PKNOX2: variants seen among roughly 807,000 people sequenced by gnomAD.
The protein encoded by PKNOX2 is homeobox protein PKNOX2.
A neutral mutation model predicts 53.1 loss-of-function variants in PKNOX2; 14 were observed. That is an observed-to-expected ratio of 0.26 (90% CI 0.17 to 0.41). PKNOX2 has a LOEUF of 0.41. Among genes scored for constraint, PKNOX2 ranks in the 10% least tolerant of loss-of-function variants. The pLI is 1.00. For missense variants in PKNOX2, 496 were observed against 602.8 expected, an observed-to-expected ratio of 0.82 and a Z score of 1.85; for synonymous variants, 257 against 242.8, an observed-to-expected ratio of 1.06 and a Z score of -0.54.
intron 1 of PKNOX2, among the ~76,000 whole-genome samples, chr11:125,193,771 G>A (rs1392381681): frequency 1.3e-5 from 2 of 152,184 alleles, no homozygotes; most frequent in East Asian, 1.9e-4. Context: ...CTGGATGAGA[G>A]GCAGCACGGT....
chr11:125,210,552 C>T (rs1939713976), intron 1 of PKNOX2, among the ~76,000 whole-genome samples: 1 of 152,160 alleles, frequency 6.6e-6, no homozygotes, highest in Non-Finnish European at 1.5e-5. Flanking sequence ...GAAGAAGGTG[C>T]TCCCTCTGAG....
chr11:125,320,975 A>G (rs1164082755), intron 2 of PKNOX2, among the ~76,000 whole-genome samples: 14 of 152,176 alleles, frequency 9.2e-5, no homozygotes, highest in African/African-American at 3.4e-4. Context: ...TGGATGATAT[A>G]TTGTGGGGTC....
rs1474345106 is a variant in PKNOX2, at chr11:125,425,900, G to A, written c.937-3112G>A. Among the ~76,000 whole-genome samples the A allele has an allele frequency of 7.0e-5, 6 of 85,500 alleles. No individual in the cohort carries two copies. In the East Asian group the frequency reaches 1.4e-3, roughly 20 times the overall value. 56.1% of individuals were successfully genotyped at this position (85,500 alleles called of 152,430 possible). A position where few individuals can be genotyped will look rare whatever the true frequency, so the allele number is the denominator to read the frequency against. ...GCTACTTACCCCACAGCCCCACAGC[G>A]TGCGTCCTGAGATACTGGACGTCCA... is the stretch of plus-strand genomic sequence containing the variant. On this transcript the variant is annotated intron_variant, in intron 10 of 12. Transcript: ENST00000298282.
intron 1 of PKNOX2, among the ~76,000 whole-genome samples, chr11:125,174,193 G>A (rs1279335292): frequency 6.6e-6 from 1 of 152,166 alleles, no homozygotes; most frequent in Non-Finnish European, 1.5e-5. Context: ...AGAGAGTCAA[G>A]TGTATGCCCC....
At chr11:125,306,243 C>T (rs1948448567) in intron 2 of PKNOX2, among the ~76,000 whole-genome samples, 1 of 152,098 alleles carries the variant, frequency 6.6e-6, no homozygotes, top group South Asian at 2.1e-4. Context: ...CTCAGTAGGC[C>T]CTGTCTCCCA....
intron 2 of PKNOX2, among the ~76,000 whole-genome samples, chr11:125,252,139 AGG>A (rs1428729726): frequency 6.6e-6 from 1 of 152,238 alleles, no homozygotes; most frequent in Non-Finnish European, 1.5e-5. Context: ...TTGTGGGATC[AGG>A]GCTGATACCT....
intron 5 of PKNOX2, among the ~76,000 whole-genome samples, chr11:125,369,158 C>T (rs754345254): frequency 1.3e-5 from 2 of 152,202 alleles, no homozygotes; most frequent in South Asian, 4.1e-4. Context: ...TCAGATAAGC[C>T]GAATGCCTCT....
chr11:125,357,148 C>G (rs965537875), intron 4 of PKNOX2, among the ~76,000 whole-genome samples: 2 of 152,258 alleles, frequency 1.3e-5, no homozygotes, highest in African/African-American at 4.8e-5. Context: ...CTCACCAAAA[C>G]AGACTCTTCT....
At chr11:125,257,750 A>C (rs1774101739) in intron 2 of PKNOX2, among the ~76,000 whole-genome samples, 1 of 151,862 alleles carries the variant, frequency 6.6e-6, no homozygotes, top group African/African-American at 2.4e-5. Context: ...CGTCATTGTC[A>C]CTCTACCATT....
chr11:125,210,929 T>C (rs1939770935), intron 1 of PKNOX2, among the ~76,000 whole-genome samples: 2 of 152,002 alleles, frequency 1.3e-5, no homozygotes, highest in African/African-American at 4.8e-5. Context: ...CAAGTTTGAG[T>C]GAGTTACTTT....
chr11:125,402,194 C>T (rs1954794667), intron 7 of PKNOX2, among the ~76,000 whole-genome samples: 1 of 152,054 alleles, frequency 6.6e-6, no homozygotes, highest in Non-Finnish European at 1.5e-5. Flanking sequence ...CTAAAGCAGA[C>T]TTTCAAAGAC....
chr11:125,374,585 T>C (rs1482966203), intron 5 of PKNOX2, among the ~76,000 whole-genome samples: 1 of 152,206 alleles, frequency 6.6e-6, no homozygotes, highest in Non-Finnish European at 1.5e-5. Context: ...TTGCAACTGA[T>C]GCTGACAGGC....
At chr11:125,379,191 G>C (rs1001774542) in intron 5 of PKNOX2, among the ~76,000 whole-genome samples, 1 of 151,806 alleles carries the variant, frequency 6.6e-6, no homozygotes, top group African/African-American at 2.4e-5. Flanking sequence ...CTCCCGAGTA[G>C]CTGGGATTAA....
chr11:125,373,741 T>C (rs1952683588), intron 5 of PKNOX2, among the ~76,000 whole-genome samples: 1 of 152,152 alleles, frequency 6.6e-6, no homozygotes, highest in Non-Finnish European at 1.5e-5. Context: ...GCGTAAGGCA[T>C]TGTGGTAAAT....
intron 3 of PKNOX2, among the ~76,000 whole-genome samples, chr11:125,335,190 C>A (rs1950370118): frequency 1.3e-5 from 2 of 152,172 alleles, no homozygotes; most frequent in Non-Finnish European, 2.9e-5. Flanking sequence ...GTCAAGCCGT[C>A]TGCATTCTGA....
chr11:125,264,231 G>A (rs766713490), intron 2 of PKNOX2, among the ~76,000 whole-genome samples: 4 of 152,154 alleles, frequency 2.6e-5, no homozygotes, highest in Non-Finnish European at 5.9e-5. Context: ...TTGTCTGGGG[G>A]CCAGGATGGG....
At chr11:125,292,492 G>A (rs918759108) in intron 2 of PKNOX2, among the ~76,000 whole-genome samples, 6 of 152,166 alleles carry the variant, frequency 3.9e-5, no homozygotes, top group Non-Finnish European at 8.8e-5. Context: ...CAGGTTCGGG[G>A]AATTCTTTCT....
chr11:125,367,991 A>G lies in PKNOX2; in HGVS notation c.227+6A>G, dbSNP rs906035388. On this transcript the variant is annotated splice_donor_region_variant and intron_variant, in intron 5 of 12. Coordinates refer to ENST00000298282, the MANE Select transcript of PKNOX2 (RefSeq NM_001382323.2). ...GACAAGCGAGCTGTATACAGGTAGG[A>G]GACACTTCAGCTGTGTCTACAGCCC... The G allele has an allele frequency of 1.2e-6, 2 of 1,611,440 alleles. No individual in the cohort carries two copies. The highest frequency in any genetic ancestry group is 1.3e-5 in the African/African-American group (1 of 74,968).
chr11:125,307,136 TGGTGACCTA>T (rs1213623190), intron 2 of PKNOX2, among the ~76,000 whole-genome samples: 1 of 152,240 alleles, frequency 6.6e-6, no homozygotes, highest in East Asian at 1.9e-4. Context: ...GTAGTCTTCT[TGGTGACCTA>T]GCACAAAGCA....
Sources: allele counts gnomAD v4.1 joint callset (sites outside exome capture counted in the v4.1 genomes callset), GRCh38; gene constraint gnomAD v4.1.1; transcripts MANE v1.5; gene names NCBI Gene and HGNC (gene_info 2026-07-23, HGNC 2026-07-21).